Variants in DRC11 observed in about 807,000 individuals in gnomAD.
DRC11 encodes IQ and AAA domain-containing protein 1.
At chr2:236,422,649 G>A in the DRC11 span, among the ~76,000 whole-genome samples, 1 of 152,196 alleles carries the variant, frequency 6.6e-6, no homozygotes, top group Non-Finnish European at 1.5e-5. Context: ...TAGATTCAAT[G>A]TCATCCCCAT....
the DRC11 span, among the ~76,000 whole-genome samples, chr2:236,309,152 G>T: frequency 8.5e-5 from 13 of 152,276 alleles, no homozygotes; most frequent in South Asian, 2.5e-3. The surrounding 1 kb of genome is among the most constrained non-coding windows in gnomAD (Gnocchi z 5.7). Context: ...ATAAGCAGCC[G>T]CACAGTGGCC....
chr2:236,344,995 T>A, the DRC11 span, among the ~76,000 whole-genome samples: 1 of 139,586 alleles, frequency 7.2e-6, no homozygotes. Context: ...TAAATGCGCT[T>A]CCCTCTGGGG....
At chr2:236,506,941 G>A in the DRC11 span, among the ~76,000 whole-genome samples, 3 of 152,306 alleles carry the variant, frequency 2.0e-5, no homozygotes, top group Non-Finnish European at 4.4e-5. The surrounding 1 kb of genome is among the most constrained non-coding windows in gnomAD (Gnocchi z 4.9). Context: ...CAGACAAAAT[G>A]GCATAGTGCT....
At chr2:236,363,770 T>TA in the DRC11 span, 2 of 1,590,182 alleles carry the variant, frequency 1.3e-6, no homozygotes, top group Non-Finnish European at 1.7e-6. The surrounding 1 kb of genome is among the most constrained non-coding windows in gnomAD (Gnocchi z 5.6). Flanking sequence ...CCAAGAAATG[T>TA]AATCCATACC....
chr2:236,468,665 C>T, the DRC11 span, among the ~76,000 whole-genome samples: 10 of 152,112 alleles, frequency 6.6e-5, no homozygotes, highest in South Asian at 2.1e-4. Flanking sequence ...TTTCATTCCT[C>T]GTGCTTACAT....
the DRC11 span, among the ~76,000 whole-genome samples, chr2:236,500,118 T>TGATGAC: frequency 6.2e-4 from 94 of 150,474 alleles, no homozygotes; most frequent in African/African-American, 2.1e-3. This position sits in a 1 kb window ranked among gnomAD's most constrained non-coding sequence, Gnocchi z 6.3. Context: ...ATGATGATGA[T>TGATGAC]GGCGAAGGTA....
At chr2:236,319,028 TGAG>T in the DRC11 span, among the ~76,000 whole-genome samples, 1 of 152,114 alleles carries the variant, frequency 6.6e-6, no homozygotes, top group Non-Finnish European at 1.5e-5. The surrounding 1 kb of genome is among the most constrained non-coding windows in gnomAD (Gnocchi z 6.7). Flanking sequence ...CAGAGTGAAA[TGAG>T]AAGAAGGGTA....
the DRC11 span, among the ~76,000 whole-genome samples, chr2:236,387,424 CTTT>C: frequency 6.6e-6 from 1 of 150,450 alleles, no homozygotes; most frequent in East Asian, 2.0e-4. Context: ...TAATGGCCTT[CTTT>C]GTCTCTTTTG....
the DRC11 span, among the ~76,000 whole-genome samples, chr2:236,439,525 C>G: frequency 2.5e-3 from 377 of 152,176 alleles, 1 homozygote; most frequent in Middle Eastern, 3.4e-3. Flanking sequence ...GTCTATCATT[C>G]AAGTCTTCTT....
chr2:236,330,529 C>G, the DRC11 span, among the ~76,000 whole-genome samples: 1 of 152,180 alleles, frequency 6.6e-6, no homozygotes, highest in Non-Finnish European at 1.5e-5. This position sits in a 1 kb window ranked among gnomAD's most constrained non-coding sequence, Gnocchi z 5.5. Context: ...AGGAAGGAAT[C>G]ATAGTTTTAG....
At chr2:236,307,457 C>T in the DRC11 span, among the ~76,000 whole-genome samples, 6,793 of 152,266 alleles carry the variant, frequency 0.045, 503 homozygotes, top group African/African-American at 0.16. This position sits in a 1 kb window ranked among gnomAD's most constrained non-coding sequence, Gnocchi z 7.0. Context: ...CTTTAACATG[C>T]TATTTGTAAA....
the DRC11 span, among the ~76,000 whole-genome samples, chr2:236,456,690 C>T: frequency 6.6e-6 from 1 of 152,346 alleles, no homozygotes; most frequent in African/African-American, 2.4e-5. The surrounding 1 kb of genome is among the most constrained non-coding windows in gnomAD (Gnocchi z 5.4). Flanking sequence ...CCCTCGGCCA[C>T]TGCCAGAGCT....
At chr2:236,415,602 G>A in the DRC11 span, among the ~76,000 whole-genome samples, 1 of 152,100 alleles carries the variant, frequency 6.6e-6, no homozygotes, top group African/African-American at 2.4e-5. This position sits in a 1 kb window ranked among gnomAD's most constrained non-coding sequence, Gnocchi z 5.7. Context: ...ATGCAGATCT[G>A]CATTTTTCAT....
chr2:236,497,537 G>A, the DRC11 span: 4 of 1,382,754 alleles, frequency 2.9e-6, no homozygotes, highest in Non-Finnish European at 3.9e-6. This position sits in a 1 kb window ranked among gnomAD's most constrained non-coding sequence, Gnocchi z 5.1. Flanking sequence ...AAATCACTTG[G>A]TAAAACATAA....
the DRC11 span, among the ~76,000 whole-genome samples, chr2:236,308,155 T>C: frequency 6.6e-6 from 1 of 152,252 alleles, no homozygotes; most frequent in Admixed American, 6.5e-5. This position sits in a 1 kb window ranked among gnomAD's most constrained non-coding sequence, Gnocchi z 6.0. Context: ...AACCAGTCAG[T>C]GTCTGGGTTC....
At chr2:236,399,760 T>G in the DRC11 span, among the ~76,000 whole-genome samples, 1 of 152,216 alleles carries the variant, frequency 6.6e-6, no homozygotes, top group African/African-American at 2.4e-5. This position sits in a 1 kb window ranked among gnomAD's most constrained non-coding sequence, Gnocchi z 7.0. Context: ...TGATCCTGTC[T>G]TCTTTTTTGA....
chr2:236,339,025 C>T, the DRC11 span, among the ~76,000 whole-genome samples: 857 of 152,224 alleles, frequency 5.6e-3, 10 homozygotes, highest in African/African-American at 0.019. Context: ...TGGCTGCAAA[C>T]GAACCTCGCC....
At chr2:236,327,615 T>C in the DRC11 span, among the ~76,000 whole-genome samples, 2 of 152,218 alleles carry the variant, frequency 1.3e-5, no homozygotes, top group African/African-American at 2.4e-5. Context: ...TTTTCTTTGC[T>C]CCCTTTTTCA....
At chr2:236,412,271 T>C in the DRC11 span, among the ~76,000 whole-genome samples, 1 of 152,174 alleles carries the variant, frequency 6.6e-6, no homozygotes, top group Non-Finnish European at 1.5e-5. Flanking sequence ...AAATTCCCAG[T>C]TGGAAGACTA....
Sources: gnomAD v4.1 joint callset for allele counts (sites outside exome capture counted in the v4.1 genomes callset) on GRCh38, gnomAD v4.1.1 for gene constraint, Gnocchi (gnomAD v3.1) non-coding constraint, MANE v1.5 for transcripts, NCBI Gene and HGNC (gene_info 2026-07-23, HGNC 2026-07-21) for gene names.